SEMA4F: variants seen among roughly 807,000 people sequenced by gnomAD.
SEMA4F encodes semaphorin-4F.
SEMA4F carries 51 observed loss-of-function variants against 78.4 expected under a neutral mutation model. The observed-to-expected ratio is 0.65, with a 90% confidence interval of 0.52 to 0.82. The LOEUF is 0.82. Ranked by LOEUF, SEMA4F falls within the 40% of genes least tolerant of loss-of-function variation. The probability of loss-of-function intolerance (pLI) is 0.00; values close to 1 mark genes in which losing one functional copy is unlikely to be tolerated. For synonymous variants in SEMA4F, 418 were observed against 408.7 expected, an observed-to-expected ratio of 1.02 and a Z score of -0.27; for missense variants, 938 against 1,014.4, an observed-to-expected ratio of 0.92 and a Z score of 1.02.
At chr2:74,676,737 C>A (rs1405613546) in intron 12 of SEMA4F, among the ~76,000 whole-genome samples, 2 of 152,214 alleles carry the variant, frequency 1.3e-5, no homozygotes, top group Non-Finnish European at 2.9e-5. Flanking sequence ...CTGGACTACT[C>A]TAATAACCTA....
chr2:74,684,087 ACT>A (rs1491340463), downstream of SEMA4F, among the ~76,000 whole-genome samples: 4 of 125,336 alleles, frequency 3.2e-5, no homozygotes, highest in East Asian at 8.0e-4. Flanking sequence ...CACCAAATTA[ACT>A]TTTTTTTTTT....
At chr2:74,704,647 G>C in the SEMA4F span, among the ~76,000 whole-genome samples, 2 of 151,936 alleles carry the variant, frequency 1.3e-5, no homozygotes, top group Non-Finnish European at 2.9e-5. Flanking sequence ...ATTGTATAAC[G>C]AGCCGACACA....
downstream of SEMA4F, among the ~76,000 whole-genome samples, chr2:74,688,804 A>G (rs559057447): frequency 3.3e-5 from 5 of 152,356 alleles, no homozygotes; most frequent in East Asian, 3.9e-4. Context: ...ATTGAATTTT[A>G]TGTATAAGTA....
chr2:74,674,624 C>A lies in SEMA4F; in HGVS notation c.949C>A (p.Pro317Thr). The A allele has an allele frequency of 6.2e-7, 1 of 1,614,116 alleles. No homozygotes were observed. Residue 317 changes from proline to threonine, a missense_variant, in exon 8 of 14, where the codon CCT becomes ACT. Physicochemically the swap from Pro to Thr is conservative, Grantham distance 38 (BLOSUM62 -1). Coordinates refer to ENST00000357877, the MANE Select transcript of SEMA4F (RefSeq NM_004263.5). ...CCTGCAGGATGTTGCTGTGCTTCGA[C>A]CTGAGCTTGGGGCAGGGACTCCCAT... ...SVLQDVAVLR[P>T]ELGAGTPIFY... is the part of the protein sequence containing the mutation.
intron 5 of SEMA4F, among the ~76,000 whole-genome samples, chr2:74,669,108 CG>C (rs1314941398): frequency 6.6e-6 from 1 of 151,782 alleles, no homozygotes; most frequent in Non-Finnish European, 1.5e-5. Flanking sequence ...AAATTAAAGA[CG>C]GGGTCTTTAA....
At chr2:74,668,526 AG>A (rs1684811194) in intron 5 of SEMA4F, among the ~76,000 whole-genome samples, 1 of 152,172 alleles carries the variant, frequency 6.6e-6, no homozygotes, top group African/African-American at 2.4e-5. Flanking sequence ...CTTTTTGAGT[AG>A]GAGCTATCTA....
At chr2:74,693,634 G>A in the SEMA4F span, among the ~76,000 whole-genome samples, 5,227 of 152,296 alleles carry the variant, frequency 0.034, 268 homozygotes, top group African/African-American at 0.11. Context: ...TGGTTCCTAA[G>A]ATCATCCCTG....
the SEMA4F span, among the ~76,000 whole-genome samples, chr2:74,696,395 A>C: frequency 1.3e-5 from 2 of 151,930 alleles, no homozygotes; most frequent in East Asian, 1.9e-4. Context: ...ACGGGGTTTC[A>C]TCATGTTGGC....
downstream of SEMA4F, among the ~76,000 whole-genome samples, chr2:74,686,105 CTTT>C (rs1252929999): frequency 7.0e-6 from 1 of 143,724 alleles, no homozygotes; most frequent in African/African-American, 2.5e-5. Flanking sequence ...CTTTTTTTTT[CTTT>C]TTTTTTTTTG....
chr2:74,689,888 G>A, the SEMA4F span, among the ~76,000 whole-genome samples: 1 of 152,180 alleles, frequency 6.6e-6, no homozygotes, highest in African/African-American at 2.4e-5. Context: ...CAGGTACATT[G>A]TCCAGACCAC....
At position 74,658,481 on chromosome 2, in the gene SEMA4F, T is replaced by C. The variant is rs75686204; in HGVS notation, c.456+530T>C. 0.049 allele frequency among the ~76,000 whole-genome samples: 7,446 copies of C among 152,324 alleles called. 631 individuals are homozygous for C. Among genetic ancestry groups the C allele is most frequent in the African/African-American group, 0.17 (7,100 of 41,558 alleles). On this transcript the variant is annotated intron_variant, in intron 4 of 13. Coordinates refer to ENST00000357877, the MANE Select transcript of SEMA4F (RefSeq NM_004263.5). The surrounding 1 kb of genome is among the most constrained non-coding windows in gnomAD (Gnocchi z 4.3). The stretch of plus-strand genomic sequence containing the variant: ...TGGCTTCTGATGTCACTTCCACTAA[T>C]GTAATATCTGCTGGCCCCATATTCT...
chr2:74,675,422 A>T (rs1413095173), intron 10 of SEMA4F, 38 bp downstream of exon 10: 1 of 1,601,572 alleles, frequency 6.2e-7, no homozygotes. Context: ...TACCTAGTGC[A>T]TACACATTCT....
At chr2:74,686,964 A>G (rs1043705022), downstream of SEMA4F, among the ~76,000 whole-genome samples, 3 of 151,946 alleles carry the variant, frequency 2.0e-5, no homozygotes, top group African/African-American at 7.3e-5. Flanking sequence ...ACCAACATGC[A>G]CCCTAGAACT....
intron 4 of SEMA4F, among the ~76,000 whole-genome samples, chr2:74,660,807 C>A (rs953902251): frequency 2.7e-4 from 41 of 152,114 alleles, no homozygotes; most frequent in Admixed American, 1.2e-3. Context: ...TTTTAAGGGG[C>A]AGATAGGAAA....
At chr2:74,660,884 A>G (rs1443885895) in intron 4 of SEMA4F, among the ~76,000 whole-genome samples, 7 of 152,190 alleles carry the variant, frequency 4.6e-5, no homozygotes, top group Admixed American at 4.6e-4. Flanking sequence ...TCAGATTTGG[A>G]GAGTTTGGGG....
downstream of SEMA4F, among the ~76,000 whole-genome samples, chr2:74,686,779 A>G (rs960615107): frequency 6.6e-6 from 1 of 152,152 alleles, no homozygotes; most frequent in African/African-American, 2.4e-5. Flanking sequence ...TCACAAGGAC[A>G]GAAAACCAAA....
chr2:74,672,889 GT>G, intron 5 of SEMA4F, among the ~76,000 whole-genome samples: 1 of 152,282 alleles, frequency 6.6e-6, no homozygotes, highest in African/African-American at 2.4e-5. Context: ...CAAAATGCAG[GT>G]TCTTGAGCCA....
the SEMA4F span, among the ~76,000 whole-genome samples, chr2:74,704,989 T>C: frequency 6.6e-6 from 1 of 152,178 alleles, no homozygotes; most frequent in South Asian, 2.1e-4. Context: ...CATATTCTCT[T>C]CATGACCACT....
chr2:74,676,683 C>T (rs1685302370), intron 12 of SEMA4F, among the ~76,000 whole-genome samples: 1 of 152,170 alleles, frequency 6.6e-6, no homozygotes, highest in Non-Finnish European at 1.5e-5. Flanking sequence ...CTTCTGTCCA[C>T]CTCTACCACT....
Sources: gnomAD v4.1 joint callset for allele counts (sites outside exome capture counted in the v4.1 genomes callset) on GRCh38, gnomAD v4.1.1 for gene constraint, Gnocchi (gnomAD v3.1) non-coding constraint, MANE v1.5 for transcripts, NCBI Gene and HGNC (gene_info 2026-07-23, HGNC 2026-07-21) for gene names.